Variants in PCDHGB1 observed in about 807,000 individuals in gnomAD.
PCDHGB1 encodes protocadherin gamma subfamily B, 1.
A neutral mutation model predicts 56.6 loss-of-function variants in PCDHGB1; 34 were observed. That is an observed-to-expected ratio of 0.60 (90% CI 0.46 to 0.80). The LOEUF (loss-of-function observed/expected upper bound fraction) is 0.80, where lower values mean the gene tolerates loss of function less well. Ranked by LOEUF, PCDHGB1 falls within the 30% of genes least tolerant of loss-of-function variation. The pLI is 0.00. For synonymous variants in PCDHGB1, 561 were observed against 505.9 expected (o/e 1.11, Z -1.46); for missense variants, 1,278 against 1,204.6 (o/e 1.06, Z -0.90).
chr5:141,376,210 C>T lies in PCDHGB1; in HGVS notation c.2409+23541C>T, dbSNP rs112869528. On this transcript the variant is annotated intron_variant, in intron 1 of 3. Transcript: ENST00000523390. ...CCTGCGTCTTCCTGGCCTTCGTCAT[C>T]GTGCTGCTGGCGCTCAGACTGCAGC... is the stretch of plus-strand genomic sequence containing the variant. 4,829 of 1,614,162 alleles carry T rather than the reference C, an allele frequency of 3.0e-3. 128 individuals carry two copies. The African/African-American group carries it at 0.055, about 18-fold the overall frequency.
chr5:141,399,589 A>G (rs1460754588), intron 1 of PCDHGB1: 6 of 1,613,866 alleles, frequency 3.7e-6, no homozygotes, highest in Non-Finnish European at 3.4e-6. Context: ...CTACTCTATC[A>G]TGGCCAGCGA....
chr5:141,372,926 G>C, intron 1 of PCDHGB1: 3 of 943,814 alleles, frequency 3.2e-6, no homozygotes, highest in Non-Finnish European at 4.6e-6. Context: ...TTGATTTTCT[G>C]GTGTAGAGTA....
chr5:141,414,066 A>G, intron 1 of PCDHGB1: 2 of 1,608,358 alleles, frequency 1.2e-6, no homozygotes, highest in African/African-American at 1.3e-5. Context: ...TGAAGTTCCA[A>G]CTAAACAAAT....
rs767983504 is a variant in PCDHGB1, at chr5:141,393,225, C to T, written c.2409+40556C>T. On this transcript the variant is annotated intron_variant, in intron 1 of 3. Coordinates refer to ENST00000523390, the MANE Select transcript of PCDHGB1 (RefSeq NM_018922.3). ...TAACCCAAAATTCCAGGTCGAAGATCTAGAAGTAAAAATTAACGAAATCGC... is the reference window on the plus strand; with the variant it reads ...TAACCCAAAATTCCAGGTCGAAGATTTAGAAGTAAAAATTAACGAAATCGC... 7 of 1,613,552 alleles carry T rather than the reference C, an allele frequency of 4.3e-6. No individual in the cohort carries two copies. The South Asian group carries it at 5.5e-5, about 13-fold the overall frequency.
At position 141,477,632 on chromosome 5, in the gene PCDHGB1, G is replaced by A. The variant is rs1262622928; in HGVS notation, c.2410-17175G>A. Reference sequence around the variant, plus strand: ...GGAGCAAGGAGCTGAAACCGGGCTAGTGGGTCGCTATTTCACAATAAATCG... The same window carrying A: ...GGAGCAAGGAGCTGAAACCGGGCTAATGGGTCGCTATTTCACAATAAATCG... On this transcript the variant is annotated intron_variant, in intron 1 of 3. Coordinates refer to ENST00000523390, the MANE Select transcript of PCDHGB1 (RefSeq NM_018922.3). This position sits in a 1 kb window ranked among gnomAD's most constrained non-coding sequence, Gnocchi z 4.9. 6.8e-6 allele frequency: 11 copies of A among 1,614,218 alleles called. No homozygotes were observed. Among genetic ancestry groups the A allele is most frequent in the Non-Finnish European group, 9.3e-6 (11 of 1,180,046 alleles).
intron 1 of PCDHGB1, among the ~76,000 whole-genome samples, chr5:141,492,409 C>A (rs1367119266): frequency 6.6e-6 from 1 of 152,230 alleles, no homozygotes; most frequent in Non-Finnish European, 1.5e-5. Flanking sequence ...TCCCCTCTGC[C>A]GCTCCCTCCG....
rs759731651 is a variant in PCDHGB1 at position 141,356,978 on chromosome 5, C to T, written c.2409+4309C>T. ...GGCTACCTGGTGACCAAAGTGGTGG[C>T]AGTGGACAGAGACTCAGGTCAGAAT... On this transcript the variant is annotated intron_variant, in intron 1 of 3. Coordinates refer to ENST00000523390, the MANE Select transcript of PCDHGB1 (RefSeq NM_018922.3). 3 of 1,614,228 alleles carry T rather than the reference C, an allele frequency of 1.9e-6. No homozygotes were observed. In the Admixed American group the frequency reaches 5.0e-5, roughly 27 times the overall value.
chr5:141,421,713 T>G, intron 1 of PCDHGB1: 1 of 1,613,932 alleles, frequency 6.2e-7, no homozygotes, highest in South Asian at 1.1e-5. Flanking sequence ...GGGATCCAGA[T>G]GTGGGCGTGA....
At position 141,485,396 on chromosome 5, in the gene PCDHGB1, T is replaced by C. The variant is rs1466959644; in HGVS notation, c.2410-9411T>C. 2.5e-6 allele frequency: 4 copies of C among 1,614,042 alleles called. No homozygotes were observed. Among genetic ancestry groups the C allele is most frequent in the Non-Finnish European group, 3.4e-6 (4 of 1,179,960 alleles). On this transcript the variant is annotated intron_variant, in intron 1 of 3. Coordinates refer to ENST00000523390, the MANE Select transcript of PCDHGB1 (RefSeq NM_018922.3). The surrounding 1 kb of genome is among the most constrained non-coding windows in gnomAD (Gnocchi z 5.7). ...CGCTGGAGAGGTGAACCAAAGACAC[T>C]TCCGTGTGGATTTGGACAGCGGAGC...
intron 1 of PCDHGB1, chr5:141,361,653 C>G (rs757588144): frequency 6.2e-7 from 1 of 1,613,770 alleles, no homozygotes; most frequent in Non-Finnish European, 8.5e-7. Flanking sequence ...CCTACGTGTC[C>G]GTGAGCGCGC....
chr5:141,398,736 A>G (rs748665574), intron 1 of PCDHGB1: 1 of 1,613,884 alleles, frequency 6.2e-7, no homozygotes, highest in South Asian at 1.1e-5. Context: ...TAGACCGGGA[A>G]CAACAGAGTT....
chr5:141,491,253 T>C lies in PCDHGB1; in HGVS notation c.2410-3554T>C, dbSNP rs71583648. The C allele has an allele frequency of 2.3e-3, 3,639 of 1,614,176 alleles. 33 individuals carry two copies. The African/African-American group carries it at 0.026, about 11-fold the overall frequency. Reference sequence around the variant, plus strand: ...TGCTGGTTCTGGAGGATGAGGACCCTGAGGAAATGCCCAAATCCAGTGACT... The same window carrying C: ...TGCTGGTTCTGGAGGATGAGGACCCCGAGGAAATGCCCAAATCCAGTGACT... On this transcript the variant is annotated intron_variant, in intron 1 of 3. Coordinates refer to ENST00000523390, the MANE Select transcript of PCDHGB1 (RefSeq NM_018922.3). This position sits in a 1 kb window ranked among gnomAD's most constrained non-coding sequence, Gnocchi z 6.9.
At chr5:141,408,513 T>C in intron 1 of PCDHGB1, 2 of 1,614,034 alleles carry the variant, frequency 1.2e-6, no homozygotes, top group East Asian at 4.5e-5. Context: ...AGATGTGAGT[T>C]GCAATTGGAA....
At chr5:141,400,394 G>A in intron 1 of PCDHGB1, 2 of 1,614,072 alleles carry the variant, frequency 1.2e-6, no homozygotes, top group Non-Finnish European at 1.7e-6. Context: ...GCACATACAG[G>A]AAAGACGGAG....
chr5:141,356,781 C>A, intron 1 of PCDHGB1: 1 of 1,613,996 alleles, frequency 6.2e-7, no homozygotes, highest in African/African-American at 1.3e-5. Context: ...AGTTTAGAGA[C>A]CTGCAGCTGC....
At chr5:141,393,912 G>A (rs1430302094) in intron 1 of PCDHGB1, 1 of 1,613,924 alleles carries the variant, frequency 6.2e-7, no homozygotes. Context: ...GACAGTAATT[G>A]CCTTCTTGAG....
At chr5:141,371,623 T>C in intron 1 of PCDHGB1, 1 of 1,614,008 alleles carries the variant, frequency 6.2e-7, no homozygotes, top group African/African-American at 1.3e-5. Flanking sequence ...GATGGAGCCC[T>C]GGACCGGGAG....
chr5:141,355,518 G>A (rs775064771), intron 1 of PCDHGB1: 5 of 1,613,932 alleles, frequency 3.1e-6, no homozygotes, highest in Non-Finnish European at 4.2e-6. Flanking sequence ...TGACAAACCT[G>A]GAGATTCTTC....
intron 1 of PCDHGB1, chr5:141,403,279 G>C (rs779882720): frequency 6.2e-7 from 1 of 1,613,900 alleles, no homozygotes. Flanking sequence ...TTAAAGTCCT[G>C]GTTGAAGACA....
Sources: allele counts gnomAD v4.1 joint callset (sites outside exome capture counted in the v4.1 genomes callset), GRCh38; gene constraint gnomAD v4.1.1; non-coding constraint Gnocchi (gnomAD v3.1); transcripts MANE v1.5; gene names NCBI Gene and HGNC (gene_info 2026-07-23, HGNC 2026-07-21).